The following RAB22A variants were observed in gnomAD, a reference collection of about 807,000 sequenced individuals.
RAB22A encodes RAB22A, member RAS oncogene family, also known as ras-related protein Rab-22A.
RAB22A carries 13 observed loss-of-function variants against 30.2 expected under a neutral mutation model. The observed-to-expected ratio is 0.43, with a 90% confidence interval of 0.28 to 0.68. The LOEUF is 0.68. Ranked by LOEUF, RAB22A falls within the 30% of genes least tolerant of loss-of-function variation. The pLI is 0.18. For synonymous variants in RAB22A, 89 were observed against 87.2 expected, an observed-to-expected ratio of 1.02 and a Z score of -0.11; for missense variants, 177 against 246.8, an observed-to-expected ratio of 0.72 and a Z score of 1.89.
At chr20:58,335,319 C>G (rs1986729267) in intron 2 of RAB22A, among the ~76,000 whole-genome samples, 1 of 152,202 alleles carries the variant, frequency 6.6e-6, no homozygotes, top group African/African-American at 2.4e-5. Flanking sequence ...TACAGATAAA[C>G]TCACATCATT....
intron 2 of RAB22A, among the ~76,000 whole-genome samples, chr20:58,316,772 C>T (rs925805027): frequency 6.6e-6 from 1 of 152,178 alleles, no homozygotes; most frequent in Non-Finnish European, 1.5e-5. Flanking sequence ...TCACTGAGCT[C>T]GTGAACTCTC....
Position 58,319,708 on chromosome 20 carries a change from GGTCTTTTACCATTCATTCA to G in RAB22A, c.116+8602_116+8620del, listed in dbSNP as rs1248723733. On this transcript the variant is annotated intron_variant, in intron 2 of 6. Transcript: ENST00000244040. ...ACATGATATATTCACCGTTAATGTA[GGTCTTTTACCATTCATTCA>G]GTCTTTTACCATTCAATTTGATGGC... Among the ~76,000 whole-genome samples, 6 of 152,088 alleles carry G rather than the reference GGTCTTTTACCATTCATTCA, an allele frequency of 3.9e-5. No individual in the cohort carries two copies. In the South Asian group the frequency reaches 1.2e-3, roughly 31 times the overall value.
intron 2 of RAB22A, among the ~76,000 whole-genome samples, chr20:58,321,189 C>CA (rs776776631): frequency 0.016 from 1,843 of 116,986 alleles, 19 homozygotes; most frequent in Non-Finnish European, 0.018. Context: ...GACTCCATCT[C>CA]AAAAAAAAAA....
At chr20:58,358,995 A>G (rs1301814090) in intron 6 of RAB22A, among the ~76,000 whole-genome samples, 3 of 151,910 alleles carry the variant, frequency 2.0e-5, no homozygotes, top group African/African-American at 7.3e-5. Context: ...AGAATGGTGC[A>G]TATGGTTTGC....
intron 3 of RAB22A, chr20:58,345,916 T>C (rs1410625308): frequency 6.6e-6 from 1 of 152,382 alleles, no homozygotes; most frequent in African/African-American, 2.4e-5. Context: ...ACAACTCTAT[T>C]CAGCCTTCAG....
intron 2 of RAB22A, among the ~76,000 whole-genome samples, chr20:58,325,702 C>A (rs1986558340): frequency 6.6e-6 from 1 of 152,096 alleles, no homozygotes; most frequent in East Asian, 1.9e-4. Flanking sequence ...GGTGAGAGAA[C>A]ATATTTTGTA....
intron 2 of RAB22A, among the ~76,000 whole-genome samples, chr20:58,331,024 C>G (rs1391509162): frequency 6.6e-6 from 1 of 152,208 alleles, no homozygotes; most frequent in Non-Finnish European, 1.5e-5. Context: ...TCTGTCACTT[C>G]TAGCCAACGC....
chr20:58,330,961 C>T (rs1986651794), intron 2 of RAB22A, among the ~76,000 whole-genome samples: 1 of 152,194 alleles, frequency 6.6e-6, no homozygotes, highest in Non-Finnish European at 1.5e-5. Flanking sequence ...TCCTTCTTTT[C>T]TAGAACATCC....
At position 58,320,502 on chromosome 20, in the gene RAB22A, G is replaced by A. The variant is rs1169573817; in HGVS notation, c.116+9380G>A. ...CTCACTTCTTTTTCTGAACTGTCCA[G>A]CTATAAGTTTATCAATTTTATTCGT... On this transcript the variant is annotated intron_variant, in intron 2 of 6. Transcript: ENST00000244040. 2.6e-5 allele frequency among the ~76,000 whole-genome samples: 4 copies of A among 152,050 alleles called. No homozygotes were observed. The East Asian group carries it at 7.7e-4, about 29-fold the overall frequency.
intron 2 of RAB22A, among the ~76,000 whole-genome samples, chr20:58,314,137 C>G (rs1986287902): frequency 6.6e-6 from 1 of 151,976 alleles, no homozygotes; most frequent in Non-Finnish European, 1.5e-5. Flanking sequence ...CAACCTCTGC[C>G]TCCCATGTTG....
At chr20:58,341,969 GC>G (rs527601494) in intron 2 of RAB22A, among the ~76,000 whole-genome samples, 83 of 152,306 alleles carry the variant, frequency 5.4e-4, no homozygotes, top group Middle Eastern at 6.8e-3. Context: ...TGAGTTGCAA[GC>G]TTTTAGGACT....
At chr20:58,318,505 T>C (rs1159867801) in intron 2 of RAB22A, among the ~76,000 whole-genome samples, 1 of 152,304 alleles carries the variant, frequency 6.6e-6, no homozygotes, top group African/African-American at 2.4e-5. Context: ...TGAACTGATA[T>C]AATGCAAATA....
At chr20:58,343,891 C>A (rs1986900613) in intron 3 of RAB22A, 92 bp downstream of exon 3, 3 of 1,040,100 alleles carry the variant, frequency 2.9e-6, no homozygotes, top group Admixed American at 4.0e-5. Flanking sequence ...ACGTTACTCA[C>A]TTCTCTTCTG....
At chr20:58,340,400 C>T (rs148449177) in intron 2 of RAB22A, among the ~76,000 whole-genome samples, 227 of 152,288 alleles carry the variant, frequency 1.5e-3, no homozygotes, top group African/African-American at 5.3e-3. Flanking sequence ...AAAGGCCACA[C>T]ACCTTGCTAA....
intron 2 of RAB22A, among the ~76,000 whole-genome samples, chr20:58,312,461 C>T (rs1295204396): frequency 6.4e-5 from 8 of 125,344 alleles, no homozygotes; most frequent in Middle Eastern, 5.4e-3. Flanking sequence ...CATGTTACTC[C>T]GGCTGGTTTT....
chr20:58,354,142 T>G lies in RAB22A; in HGVS notation c.378-14T>G, dbSNP rs767156339. The G allele has an allele frequency of 3.1e-6, 5 of 1,588,934 alleles. No individual in the cohort carries two copies. Among genetic ancestry groups the G allele is most frequent in the Non-Finnish European group, 4.3e-6 (5 of 1,158,838 alleles). On this transcript the variant is annotated splice_polypyrimidine_tract_variant and intron_variant, in intron 5 of 6. Coordinates refer to ENST00000244040, the MANE Select transcript of RAB22A (RefSeq NM_020673.3). ...CATGGGTAGAATTTCTGATATGTAG[T>G]TGTTGCCTTCCAGAGAAGTCATGGA...
At chr20:58,327,540 A>G (rs1243387726) in intron 2 of RAB22A, among the ~76,000 whole-genome samples, 1 of 152,198 alleles carries the variant, frequency 6.6e-6, no homozygotes, top group Admixed American at 6.5e-5. Context: ...CCACAGAGCA[A>G]ATGATTCAAG....
At chr20:58,338,442 C>T (rs1362210478) in intron 2 of RAB22A, among the ~76,000 whole-genome samples, 9 of 152,170 alleles carry the variant, frequency 5.9e-5, no homozygotes, top group African/African-American at 2.2e-4. Context: ...ACCTGTGGAA[C>T]AGTCCGTTGT....
chr20:58,362,633 T>A lies in RAB22A; in HGVS notation c.*2930T>A, dbSNP rs1029946705. On this transcript the variant is annotated 3_prime_UTR_variant, in exon 7 of 7. Coordinates refer to ENST00000244040, the MANE Select transcript of RAB22A (RefSeq NM_020673.3). ...CACAAGTGTTTTTCTGATTCTATGATAACTAATTAACCATCATCTGGTGAT... is the reference window on the plus strand; with the variant it reads ...CACAAGTGTTTTTCTGATTCTATGAAAACTAATTAACCATCATCTGGTGAT... 1.3e-5 allele frequency: 2 copies of A among 152,246 alleles called. No homozygotes were observed. The highest frequency in any genetic ancestry group is 4.8e-5 in the African/African-American group (2 of 41,460). The allele number at this position is 152,246 out of a possible 1,614,324, so 9.4% of individuals were successfully genotyped here.
Sources: gnomAD v4.1 joint callset for allele counts (sites outside exome capture counted in the v4.1 genomes callset) on GRCh38, gnomAD v4.1.1 for gene constraint, MANE v1.5 for transcripts, NCBI Gene and HGNC (gene_info 2026-07-23, HGNC 2026-07-21) for gene names.